Variants in GTF2E2 observed in about 807,000 individuals in gnomAD.
The protein encoded by GTF2E2 is general transcription factor IIE subunit 2.
Under a neutral mutation model 40.5 loss-of-function variants are expected in GTF2E2, and 21 were observed. The observed-to-expected ratio is 0.52, with a 90% confidence interval of 0.37 to 0.75. The LOEUF is 0.75. Ranked by LOEUF, GTF2E2 falls within the 30% of genes least tolerant of loss-of-function variation. GTF2E2 has a pLI of 0.00. For missense variants in GTF2E2, 298 were observed against 338.4 expected, an observed-to-expected ratio of 0.88 and a Z score of 0.94; for synonymous variants, 117 against 121.6, an observed-to-expected ratio of 0.96 and a Z score of 0.25.
chr8:30,656,001 G>A (rs1037252258), intron 1 of GTF2E2, among the ~76,000 whole-genome samples: 1 of 152,008 alleles, frequency 6.6e-6, no homozygotes, highest in South Asian at 2.1e-4. Flanking sequence ...AGTAGAGACG[G>A]GGTTCATTCA....
At chr8:30,598,449 T>C (rs751887712) in intron 6 of GTF2E2, among the ~76,000 whole-genome samples, 21 of 152,242 alleles carry the variant, frequency 1.4e-4, no homozygotes, top group Non-Finnish European at 2.9e-4. Context: ...AAGTACACTT[T>C]AAAATTTTTA....
At chr8:30,628,956 A>C (rs1346889901) in intron 3 of GTF2E2, among the ~76,000 whole-genome samples, 1 of 151,926 alleles carries the variant, frequency 6.6e-6, no homozygotes, top group Non-Finnish European at 1.5e-5. Context: ...AAATTTTACC[A>C]GCAACTTTTT....
At chr8:30,642,518 A>G (rs1332038193) in intron 2 of GTF2E2, among the ~76,000 whole-genome samples, 1 of 152,246 alleles carries the variant, frequency 6.6e-6, no homozygotes, top group Non-Finnish European at 1.5e-5. Context: ...AAAAAACAAA[A>G]GAACACAAGG....
At chr8:30,641,755 T>C (rs1801842767) in intron 2 of GTF2E2, among the ~76,000 whole-genome samples, 1 of 152,194 alleles carries the variant, frequency 6.6e-6, no homozygotes, top group South Asian at 2.1e-4. Flanking sequence ...TACATACCTG[T>C]AATCCCAACT....
At chr8:30,644,613 G>A (rs1296481541) in intron 2 of GTF2E2, 1 of 152,152 alleles carries the variant, frequency 6.6e-6, no homozygotes, top group Non-Finnish European at 1.5e-5. Flanking sequence ...AGCTTTTCCA[G>A]GGGCAGTTTG....
At chr8:30,656,189 G>A (rs1251138339) in intron 1 of GTF2E2, among the ~76,000 whole-genome samples, 2 of 152,180 alleles carry the variant, frequency 1.3e-5, no homozygotes, top group Non-Finnish European at 2.9e-5. Context: ...GTGAAATGAG[G>A]ACGCTATGAA....
At chr8:30,654,283 CTATT>C (rs749472500) in intron 1 of GTF2E2, among the ~76,000 whole-genome samples, 14 of 152,078 alleles carry the variant, frequency 9.2e-5, no homozygotes, top group Admixed American at 7.2e-4. Flanking sequence ...AAGAAAAAAA[CTATT>C]TAATTACTAA....
chr8:30,610,122 T>TC (rs769599318), intron 5 of GTF2E2, among the ~76,000 whole-genome samples: 1 of 152,122 alleles, frequency 6.6e-6, no homozygotes, highest in African/African-American at 2.4e-5. Context: ...GTGATCTCAC[T>TC]CTTACTGATT....
In GTF2E2 at chr8:30,618,652, G is replaced by A. The variant is rs940661016; in HGVS notation, c.259-3937C>T. On this transcript the variant is annotated intron_variant, in intron 3 of 7. Coordinates refer to ENST00000355904, the MANE Select transcript of GTF2E2 (RefSeq NM_002095.6). ...ATTACAAATTTCTCCTTACAAAAAGGCAAAATGTTTCAAATCTGCTCAATA... is the reference window on the plus strand; with the variant it reads ...ATTACAAATTTCTCCTTACAAAAAGACAAAATGTTTCAAATCTGCTCAATA... 2.0e-5 allele frequency among the ~76,000 whole-genome samples: 3 copies of A among 152,072 alleles called. No homozygotes were observed. In the East Asian group the frequency reaches 5.8e-4, roughly 29 times the overall value.
intron 2 of GTF2E2, among the ~76,000 whole-genome samples, chr8:30,640,468 A>G (rs1030177552): frequency 2.0e-5 from 3 of 152,266 alleles, no homozygotes; most frequent in East Asian, 3.9e-4. Flanking sequence ...AACATAAAAC[A>G]AAACTAAAAC....
chr8:30,628,688 T>C (rs1366538927), intron 3 of GTF2E2, among the ~76,000 whole-genome samples: 1 of 152,216 alleles, frequency 6.6e-6, no homozygotes, highest in Non-Finnish European at 1.5e-5. Flanking sequence ...TCCCAGCATT[T>C]TGAGAGGCCG....
chr8:30,599,493 C>T (rs1320229181), intron 6 of GTF2E2, among the ~76,000 whole-genome samples: 2 of 151,172 alleles, frequency 1.3e-5, no homozygotes, highest in Non-Finnish European at 2.9e-5. Flanking sequence ...ACAGGAGAAT[C>T]GCTTCAACCT....
At chr8:30,636,891 C>G (rs1482996202) in intron 2 of GTF2E2, 2 of 391,884 alleles carry the variant, frequency 5.1e-6, no homozygotes, top group Non-Finnish European at 9.8e-6. Flanking sequence ...CTTATAGGTG[C>G]TTTTCCATTC....
intron 6 of GTF2E2, among the ~76,000 whole-genome samples, chr8:30,604,361 A>T (rs1243985984): frequency 6.6e-6 from 1 of 152,192 alleles, no homozygotes; most frequent in Non-Finnish European, 1.5e-5. Context: ...AACAACAAAG[A>T]TCTGAAAAGA....
Position 30,653,477 on chromosome 8 carries a change from G to A in GTF2E2, c.122C>T (p.Thr41Ile). The A allele has an allele frequency of 6.2e-7, 1 of 1,613,804 alleles. No homozygotes were observed. The highest frequency in any genetic ancestry group is 8.5e-7 in the Non-Finnish European group (1 of 1,179,772). The change falls in exon 2 of 8, where the codon ACA becomes ATA. Residue 41 changes from threonine (T) to isoleucine (I), a missense_variant. By Grantham distance (89) the Thr-to-Ile change is moderately conservative (BLOSUM62 -1). Transcript: ENST00000355904. ...TGACGATCCTCCATGTTCTACCTTT[G>A]TTTTCTTCTTCTTTGACGATGATGA... ...SSSSSSKKKK[T>I]KVEHGGSSGS...
At chr8:30,610,354 G>C (rs1458614386) in intron 5 of GTF2E2, among the ~76,000 whole-genome samples, 1 of 149,708 alleles carries the variant, frequency 6.7e-6, no homozygotes, top group Non-Finnish European at 1.5e-5. Context: ...GCTGAGGCAG[G>C]ACTACTGCTT....
At chr8:30,590,167 A>C (rs756626082) in intron 6 of GTF2E2, among the ~76,000 whole-genome samples, 1 of 152,160 alleles carries the variant, frequency 6.6e-6, no homozygotes, top group Non-Finnish European at 1.5e-5. Context: ...AATATCATAA[A>C]CATATAAATA....
intron 3 of GTF2E2, among the ~76,000 whole-genome samples, chr8:30,621,803 T>G (rs1801109810): frequency 6.6e-6 from 1 of 152,034 alleles, no homozygotes; most frequent in African/African-American, 2.4e-5. Context: ...CTTTCCAATT[T>G]TTATGTTACT....
chr8:30,621,559 CAAAGA>C (rs1801102781), intron 3 of GTF2E2, among the ~76,000 whole-genome samples: 1 of 152,084 alleles, frequency 6.6e-6, no homozygotes, highest in Non-Finnish European at 1.5e-5. Context: ...TAGTTTTCAG[CAAAGA>C]AAACATCTTT....
Sources: gnomAD v4.1 joint callset for allele counts (sites outside exome capture counted in the v4.1 genomes callset) on GRCh38, gnomAD v4.1.1 for gene constraint, MANE v1.5 for transcripts, NCBI Gene and HGNC (gene_info 2026-07-23, HGNC 2026-07-21) for gene names.